PELI2: variants seen among roughly 807,000 people sequenced by gnomAD.
The protein encoded by PELI2 is pellino E3 ubiquitin protein ligase family member 2, also known as E3 ubiquitin-protein ligase pellino homolog 2.
A neutral mutation model predicts 42.3 loss-of-function variants in PELI2; 23 were observed. That is an observed-to-expected ratio of 0.54 (90% CI 0.39 to 0.77). PELI2 has a LOEUF of 0.77. PELI2 is among the 30% of genes least tolerant of loss of function. The pLI is 0.00. For missense variants in PELI2, 463 were observed against 553.2 expected (o/e 0.84, Z 1.64); for synonymous variants, 245 against 212.2 (o/e 1.15, Z -1.34).
In PELI2 at chr14:56,301,307, T is replaced by C. The variant is rs889897582; in HGVS notation, c.*4141T>C. ...TATTAAATGGATATCAGCCTGTTTG[T>C]GAGCCATTGTCTTCAGATTCTGTGG... On this transcript the variant is annotated 3_prime_UTR_variant, in exon 6 of 6. Transcript: ENST00000267460. 4 of 152,664 alleles carry C rather than the reference T, an allele frequency of 2.6e-5. No individual in the cohort carries two copies. The highest frequency in any genetic ancestry group is 5.9e-5 in the Non-Finnish European group (4 of 68,038). The allele number at this position is 152,664 out of a possible 1,614,324, so 9.5% of individuals were successfully genotyped here.
rs575477908 is a variant in PELI2, at chr14:56,264,489, G to A, written c.208-15187G>A. Among the ~76,000 whole-genome samples, 8 of 152,290 alleles carry A rather than the reference G, an allele frequency of 5.3e-5. No homozygotes were observed. In the South Asian group the frequency reaches 1.7e-3, roughly 32 times the overall value. On this transcript the variant is annotated intron_variant, in intron 2 of 5. Transcript: ENST00000267460. ...ACACTAGAAAGTGCTACAGTAATAT[G>A]CACAGTGTATTAGGAAGCTGTGGGA...
In PELI2 at chr14:56,221,368, A is replaced by T. The variant is rs567668612; in HGVS notation, c.207+42904A>T. Among the ~76,000 whole-genome samples, 10 of 152,312 alleles carry T rather than the reference A, an allele frequency of 6.6e-5. No individual in the cohort carries two copies. The East Asian group carries it at 1.9e-3, about 29-fold the overall frequency. Reference sequence around the variant, plus strand: ...ACCTGCAGTGTTGGCAGCAGGTTCCAAGGATTTGCCTGCCAGCTGTTGAGG... The same window carrying T: ...ACCTGCAGTGTTGGCAGCAGGTTCCTAGGATTTGCCTGCCAGCTGTTGAGG... On this transcript the variant is annotated intron_variant, in intron 2 of 5. Coordinates refer to ENST00000267460, the MANE Select transcript of PELI2 (RefSeq NM_021255.3).
chr14:56,236,485 C>G (rs560903454), intron 2 of PELI2, among the ~76,000 whole-genome samples: 2 of 152,210 alleles, frequency 1.3e-5, no homozygotes, highest in African/African-American at 2.4e-5. Context: ...ATATGCATGC[C>G]TTTAGTCTCA....
intron 1 of PELI2, among the ~76,000 whole-genome samples, chr14:56,140,347 A>T (rs1488510677): frequency 1.3e-5 from 2 of 152,238 alleles, no homozygotes; most frequent in African/African-American, 4.8e-5. Flanking sequence ...ACTTTAAATG[A>T]AAGCCATTTG....
chr14:56,131,867 C>A (rs149976339), intron 1 of PELI2, among the ~76,000 whole-genome samples: 2 of 152,098 alleles, frequency 1.3e-5, no homozygotes, highest in African/African-American at 4.8e-5. Flanking sequence ...CCAGCCTGGG[C>A]GACACAGTGA....
intron 1 of PELI2, among the ~76,000 whole-genome samples, chr14:56,126,704 C>A (rs1050098127): frequency 6.6e-6 from 1 of 152,128 alleles, no homozygotes; most frequent in African/African-American, 2.4e-5. Context: ...GATGGGTGAG[C>A]AATTAGGCTT....
intron 2 of PELI2, among the ~76,000 whole-genome samples, chr14:56,241,191 A>G (rs1887963186): frequency 6.6e-6 from 1 of 152,146 alleles, no homozygotes; most frequent in Non-Finnish European, 1.5e-5. Flanking sequence ...AGTAAAATGA[A>G]TGGGACTCCC....
intron 2 of PELI2, among the ~76,000 whole-genome samples, chr14:56,249,013 C>T (rs929149524): frequency 2.0e-5 from 3 of 152,136 alleles, no homozygotes; most frequent in African/African-American, 7.2e-5. Context: ...TTCCGTTGGG[C>T]CTTTCCCACA....
At chr14:56,166,954 T>C (rs1339946100) in intron 1 of PELI2, among the ~76,000 whole-genome samples, 1 of 151,974 alleles carries the variant, frequency 6.6e-6, no homozygotes, top group East Asian at 1.9e-4. Context: ...CGCCTGACTA[T>C]TTTTTGTGTG....
intron 1 of PELI2, among the ~76,000 whole-genome samples, chr14:56,158,613 C>T (rs935881094): frequency 4.6e-5 from 7 of 152,156 alleles, no homozygotes; most frequent in South Asian, 2.1e-4. Context: ...CCTTGACCTC[C>T]CAATGTGCTG....
intron 2 of PELI2, among the ~76,000 whole-genome samples, chr14:56,257,722 A>C (rs1478237266): frequency 6.6e-6 from 1 of 152,194 alleles, no homozygotes; most frequent in Admixed American, 6.5e-5. Flanking sequence ...GTGATCCCTG[A>C]GAGAAGGGAA....
At chr14:56,286,856 G>T (rs1318252634) in intron 3 of PELI2, among the ~76,000 whole-genome samples, 4 of 152,250 alleles carry the variant, frequency 2.6e-5, no homozygotes, top group South Asian at 2.1e-4. Flanking sequence ...GAAGCAAACT[G>T]ATAAGTCATG....
chr14:56,197,969 G>GACACAC lies in PELI2; in HGVS notation c.207+19544_207+19549dup, dbSNP rs4038318. On this transcript the variant is annotated intron_variant, in intron 2 of 5. Transcript: ENST00000267460. This position sits in a 1 kb window ranked among gnomAD's most constrained non-coding sequence, Gnocchi z 4.9. ...CACACCAGGGATCATGACTGGTGAAGACACACACACACACACACACACACA... is the reference window on the plus strand; with the variant it reads ...CACACCAGGGATCATGACTGGTGAAGACACACACACACACACACACACACACACACA... Among the ~76,000 whole-genome samples the GACACAC allele has an allele frequency of 1.6e-3, 210 of 129,766 alleles. 1 individual carries two copies. The highest frequency in any genetic ancestry group is 2.2e-3 in the Non-Finnish European group (136 of 62,228). 85.1% of individuals were successfully genotyped at this position (129,766 alleles called of 152,430 possible).
intron 2 of PELI2, among the ~76,000 whole-genome samples, chr14:56,254,219 T>G (rs939383057): frequency 1.3e-5 from 2 of 152,074 alleles, no homozygotes; most frequent in Non-Finnish European, 2.9e-5. Context: ...GCCAACATGG[T>G]GAAACCCCGT....
At chr14:56,206,770 GT>G (rs1414910235) in intron 2 of PELI2, among the ~76,000 whole-genome samples, 2 of 151,740 alleles carry the variant, frequency 1.3e-5, no homozygotes, top group African/African-American at 2.4e-5. Context: ...TTTCCTCTTG[GT>G]TTATGGCTCT....
At chr14:56,137,579 A>G (rs536330505) in intron 1 of PELI2, among the ~76,000 whole-genome samples, 1 of 152,328 alleles carries the variant, frequency 6.6e-6, no homozygotes, top group South Asian at 2.1e-4. Flanking sequence ...AGCAATGTAG[A>G]AAAGTGCGTC....
At chr14:56,226,692 G>A (rs1230254873) in intron 2 of PELI2, among the ~76,000 whole-genome samples, 2 of 152,130 alleles carry the variant, frequency 1.3e-5, no homozygotes, top group African/African-American at 2.4e-5. Context: ...GAAACTTTTC[G>A]AATGTGCCCT....
At chr14:56,203,520 G>A (rs922614656) in intron 2 of PELI2, among the ~76,000 whole-genome samples, 1 of 151,952 alleles carries the variant, frequency 6.6e-6, no homozygotes, top group Non-Finnish European at 1.5e-5. Flanking sequence ...TTTTTTCTGG[G>A]AACTATTTGA....
chr14:56,155,139 A>G (rs1036439474), intron 1 of PELI2, among the ~76,000 whole-genome samples: 16 of 151,614 alleles, frequency 1.1e-4, no homozygotes, highest in Non-Finnish European at 2.2e-4. Flanking sequence ...TTGTCATGTT[A>G]TTGCCAGTAT....
Sources: gnomAD v4.1 joint callset for allele counts (sites outside exome capture counted in the v4.1 genomes callset) on GRCh38, gnomAD v4.1.1 for gene constraint, Gnocchi (gnomAD v3.1) non-coding constraint, MANE v1.5 for transcripts, NCBI Gene and HGNC (gene_info 2026-07-23, HGNC 2026-07-21) for gene names.